KIAA0825: variants seen among roughly 807,000 people sequenced by gnomAD.
KIAA0825 encodes the protein KIAA0825, also known as uncharacterized protein KIAA0825.
In KIAA0825, 119 loss-of-function variants were observed where a neutral mutation model predicts 147.6. That is an observed-to-expected ratio of 0.81 (90% CI 0.69 to 0.94). The LOEUF is 0.94. KIAA0825 is among the 40% of genes least tolerant of loss of function. KIAA0825 has a pLI of 0.00. For synonymous variants in KIAA0825, 470 were observed against 518.1 expected (o/e 0.91, Z 1.26); for missense variants, 1,381 against 1,472.7 (o/e 0.94, Z 1.02).
intron 1 of KIAA0825, chr5:94,594,250 A>G: frequency 1.6e-6 from 1 of 612,802 alleles, no homozygotes; most frequent in Non-Finnish European, 3.2e-6. Context: ...ATGGAACTAA[A>G]TAGATCAGTC....
chr5:94,541,718 C>A (rs993273992), intron 2 of KIAA0825, among the ~76,000 whole-genome samples: 2 of 152,166 alleles, frequency 1.3e-5, no homozygotes, highest in Non-Finnish European at 1.5e-5. Flanking sequence ...ACCTTATGGT[C>A]AAACTGATTA....
rs1261240889 is a variant in KIAA0825 at position 94,610,038 on chromosome 5, G to A, written c.-153+8462C>T. Among the ~76,000 whole-genome samples, 3 of 152,136 alleles carry A rather than the reference G, an allele frequency of 2.0e-5. No homozygotes were observed. The East Asian group carries it at 5.8e-4, about 29-fold the overall frequency. On this transcript the variant is annotated intron_variant, in intron 1 of 20. Transcript: ENST00000682413. ...CTGAAAAAATTTAAAGGAATACATT[G>A]TTATGTGATTATACACAAAACTTGC...
chr5:94,268,061 C>G (rs1225706775), intron 20 of KIAA0825, among the ~76,000 whole-genome samples: 4 of 151,696 alleles, frequency 2.6e-5, no homozygotes, highest in African/African-American at 4.8e-5. Context: ...ATTCAATAAA[C>G]ATGTGTTGGA....
chr5:94,465,183 C>T (rs1562524376), intron 10 of KIAA0825, 124 bp from the exon 11 acceptor site: 2 of 789,192 alleles, frequency 2.5e-6, no homozygotes, highest in Non-Finnish European at 3.8e-6. Flanking sequence ...ACTAGAAGAC[C>T]AACAAAGATT....
intron 3 of KIAA0825, among the ~76,000 whole-genome samples, chr5:94,526,281 G>A (rs1329504886): frequency 1.3e-5 from 2 of 151,838 alleles, no homozygotes; most frequent in African/African-American, 4.8e-5. Flanking sequence ...TATAAACATA[G>A]GTAGTAAAAG....
chr5:94,229,611 A>G (rs563232038), intron 20 of KIAA0825, among the ~76,000 whole-genome samples: 9 of 151,662 alleles, frequency 5.9e-5, no homozygotes, highest in African/African-American at 2.2e-4. Flanking sequence ...CGTTAGGAAG[A>G]CATCTCGAAT....
At chr5:94,474,431 G>T (rs893272156) in intron 7 of KIAA0825, among the ~76,000 whole-genome samples, 7 of 152,080 alleles carry the variant, frequency 4.6e-5, no homozygotes, top group African/African-American at 1.4e-4. Flanking sequence ...AAAACCCTGA[G>T]CTCCATGTCC....
At chr5:94,252,643 G>T (rs1254799780) in intron 20 of KIAA0825, among the ~76,000 whole-genome samples, 2 of 151,944 alleles carry the variant, frequency 1.3e-5, no homozygotes. Context: ...ATACAGATAT[G>T]CCTAGGACAA....
chr5:94,355,756 C>A (rs1320298593), intron 20 of KIAA0825, among the ~76,000 whole-genome samples: 2 of 152,156 alleles, frequency 1.3e-5, no homozygotes, highest in African/African-American at 4.8e-5. Context: ...TCATCTCAAA[C>A]AATTTTATTA....
intron 6 of KIAA0825, among the ~76,000 whole-genome samples, chr5:94,483,529 T>G (rs553653742): frequency 9.3e-4 from 142 of 151,928 alleles, no homozygotes; most frequent in Non-Finnish European, 1.6e-3. Flanking sequence ...CTAAAAGACG[T>G]TTTAAGGGTC....
At chr5:94,165,258 G>A (rs1265654484) in intron 20 of KIAA0825, among the ~76,000 whole-genome samples, 1 of 152,140 alleles carries the variant, frequency 6.6e-6, no homozygotes, top group African/African-American at 2.4e-5. Context: ...ATGAAAAGGT[G>A]CTCAGCATCA....
At position 94,372,373 on chromosome 5, in the gene KIAA0825, TG is replaced by T. The variant is rs1213754485; in HGVS notation, c.3710+11994del. Among the ~76,000 whole-genome samples the T allele has an allele frequency of 7.2e-5, 11 of 152,372 alleles. No individual in the cohort carries two copies. In the East Asian group the frequency reaches 2.1e-3, roughly 29 times the overall value. ...TAGCAGAGGTTCTCCATGAGGGCTT[TG>T]CCCCTGCATCAAACTTCTGCCTGAC... On this transcript the variant is annotated intron_variant, in intron 20 of 20. Transcript: ENST00000682413.
intron 20 of KIAA0825, among the ~76,000 whole-genome samples, chr5:94,363,023 A>G (rs1174675675): frequency 2.6e-5 from 4 of 152,234 alleles, no homozygotes. Context: ...GCAGTTGTTC[A>G]TTACTGATTC....
intron 2 of KIAA0825, among the ~76,000 whole-genome samples, chr5:94,540,210 C>T (rs1315172977): frequency 6.6e-6 from 1 of 152,154 alleles, no homozygotes; most frequent in African/African-American, 2.4e-5. Context: ...GGAAAAAGGA[C>T]TTGTGAAGCT....
At chr5:94,401,166 G>T (rs185528851) in intron 16 of KIAA0825, among the ~76,000 whole-genome samples, 1 of 151,878 alleles carries the variant, frequency 6.6e-6, no homozygotes, top group African/African-American at 2.4e-5. Context: ...ATATCTTAAG[G>T]CTCAATACTG....
intron 1 of KIAA0825, among the ~76,000 whole-genome samples, chr5:94,596,213 T>G (rs1188183408): frequency 6.6e-6 from 1 of 152,242 alleles, no homozygotes; most frequent in Non-Finnish European, 1.5e-5. Context: ...TTTATAGTTT[T>G]GGGTTTTACA....
At chr5:94,170,548 G>A (rs1768521652) in intron 20 of KIAA0825, among the ~76,000 whole-genome samples, 1 of 152,198 alleles carries the variant, frequency 6.6e-6, no homozygotes, top group South Asian at 2.1e-4. Context: ...GCATCAAGGA[G>A]GTTGAGAGGC....
At chr5:94,425,141 G>C (rs1283038869) in intron 14 of KIAA0825, among the ~76,000 whole-genome samples, 5 of 152,120 alleles carry the variant, frequency 3.3e-5, no homozygotes, top group Non-Finnish European at 7.3e-5. Flanking sequence ...TATGAGGCCA[G>C]CATTACCCTG....
chr5:94,306,441 C>T (rs935760246), intron 20 of KIAA0825, among the ~76,000 whole-genome samples: 1 of 151,740 alleles, frequency 6.6e-6, no homozygotes, highest in African/African-American at 2.4e-5. Flanking sequence ...AATCCAGCAC[C>T]ATATTAAAAA....
Sources: gnomAD v4.1 joint callset for allele counts (sites outside exome capture counted in the v4.1 genomes callset) on GRCh38, gnomAD v4.1.1 for gene constraint, MANE v1.5 for transcripts, NCBI Gene and HGNC (gene_info 2026-07-23, HGNC 2026-07-21) for gene names.